The following CAMK1D variants were observed in gnomAD, a reference collection of about 807,000 sequenced individuals.
CAMK1D encodes calcium/calmodulin-dependent protein kinase type 1D.
In CAMK1D, 9 loss-of-function variants were observed where a neutral mutation model predicts 47.7. The observed-to-expected ratio is 0.19, with a 90% confidence interval of 0.11 to 0.33. The LOEUF (loss-of-function observed/expected upper bound fraction) is 0.33, where lower values mean the gene tolerates loss of function less well. Ranked by LOEUF, CAMK1D falls within the 10% of genes least tolerant of loss-of-function variation. The pLI is 1.00. For synonymous variants in CAMK1D, 184 were observed against 184.9 expected (o/e 0.99, Z 0.04); for missense variants, 291 against 488.7 (o/e 0.60, Z 3.81).
At chr10:12,514,314 G>C (rs1887396) in intron 1 of CAMK1D, among the ~76,000 whole-genome samples, 1 of 152,152 alleles carries the variant, frequency 6.6e-6, no homozygotes, top group African/African-American at 2.4e-5. Context: ...ATGCAAATTC[G>C]GTAGCAATGT....
Position 12,477,277 on chromosome 10 carries a change from G to A in CAMK1D, c.93-75948G>A, listed in dbSNP as rs1367906770. Among the ~76,000 whole-genome samples, 7 of 152,166 alleles carry A rather than the reference G, an allele frequency of 4.6e-5. No individual in the cohort carries two copies. The East Asian group carries it at 1.3e-3, about 29-fold the overall frequency. On this transcript the variant is annotated intron_variant, in intron 1 of 10. Transcript: ENST00000619168. ...CTAAAAATACGAAAATTAACTGGGA[G>A]TAGTGGTGGACACCTGTAATGCCAG...
intron 6 of CAMK1D, among the ~76,000 whole-genome samples, chr10:12,808,312 G>A (rs1832450855): frequency 1.3e-5 from 2 of 152,342 alleles, no homozygotes; most frequent in East Asian, 1.9e-4. Flanking sequence ...CTGAGCTCTT[G>A]AAGGCAGAAA....
chr10:12,699,904 G>T (rs1419397894), intron 3 of CAMK1D, among the ~76,000 whole-genome samples: 1 of 151,928 alleles, frequency 6.6e-6, no homozygotes, highest in Non-Finnish European at 1.5e-5. Flanking sequence ...TCTGATAGGG[G>T]CTCTTTTCAA....
intron 1 of CAMK1D, among the ~76,000 whole-genome samples, chr10:12,520,054 G>C (rs1564387306): frequency 1.3e-5 from 1 of 79,568 alleles, no homozygotes; most frequent in Non-Finnish European, 2.6e-5. Flanking sequence ...GGGGCGGCTG[G>C]CCGGGTGGGG....
chr10:12,669,221 G>C (rs1353008548), intron 3 of CAMK1D, among the ~76,000 whole-genome samples: 1 of 145,700 alleles, frequency 6.9e-6, no homozygotes, highest in African/African-American at 2.6e-5. Flanking sequence ...GACAGGGCAA[G>C]ACTCTGTCTC....
chr10:12,667,872 G>T (rs1297328042), intron 3 of CAMK1D, among the ~76,000 whole-genome samples: 1 of 152,136 alleles, frequency 6.6e-6, no homozygotes, highest in Non-Finnish European at 1.5e-5. Flanking sequence ...AACCTTTCAT[G>T]ATCTTCAAAA....
In CAMK1D at chr10:12,434,787, C is replaced by T. The variant is rs190459551; in HGVS notation, c.92+84877C>T. The stretch of plus-strand genomic sequence containing the variant: ...TGAGTGGTAGCCCGGTCACCTTGAT[C>T]GCCTTCAGTCTGTGCTGGGTGTTCT... On this transcript the variant is annotated intron_variant, in intron 1 of 10. Transcript: ENST00000619168. Among the ~76,000 whole-genome samples, 335 of 152,296 alleles carry T rather than the reference C, an allele frequency of 2.2e-3. 1 individual carries two copies. Among genetic ancestry groups the T allele is most frequent in the African/African-American group, 7.5e-3 (310 of 41,566 alleles).
Position 12,430,183 on chromosome 10 carries a change from G to A in CAMK1D, c.92+80273G>A, listed in dbSNP as rs116080611. Reference sequence around the variant, plus strand: ...GAAAACCCCTGTTCCAATCCTGCTCGTTTGGGATTTGTGAGCATTTGGATG... The same window carrying A: ...GAAAACCCCTGTTCCAATCCTGCTCATTTGGGATTTGTGAGCATTTGGATG... On this transcript the variant is annotated intron_variant, in intron 1 of 10. Transcript: ENST00000619168. Among the ~76,000 whole-genome samples, 1,498 of 152,214 alleles carry A rather than the reference G, an allele frequency of 9.8e-3. 14 individuals carry two copies. The highest frequency in any genetic ancestry group is 0.028 in the African/African-American group (1,144 of 41,524).
chr10:12,637,572 A>G (rs958904027), intron 2 of CAMK1D, among the ~76,000 whole-genome samples: 3 of 135,170 alleles, frequency 2.2e-5, no homozygotes, highest in African/African-American at 8.2e-5. Context: ...GGTCCCAGGC[A>G]GAATTCCTGG....
At chr10:12,816,102 C>A in intron 7 of CAMK1D, 148 bp from the exon 8 acceptor site, 2 of 568,250 alleles carry the variant, frequency 3.5e-6, no homozygotes, top group Non-Finnish European at 6.2e-6. Context: ...ACGCTGGTGC[C>A]TTTGTGTCCA....
chr10:12,689,668 C>T (rs1169940948), intron 3 of CAMK1D, among the ~76,000 whole-genome samples: 2 of 151,632 alleles, frequency 1.3e-5, no homozygotes, highest in Admixed American at 6.6e-5. Flanking sequence ...CCCAGCTACT[C>T]GGGAGGCTAA....
In CAMK1D at chr10:12,787,842, A is replaced by C. The variant is rs187109875; in HGVS notation, c.566-3316A>C. ...TGGTGAAACCCCATCTCTACTAAAA[A>C]TACAAAAATTAGCCGGGCCTGGTGG... On this transcript the variant is annotated intron_variant, in intron 5 of 10. Transcript: ENST00000619168. Among the ~76,000 whole-genome samples, 86 of 152,284 alleles carry C rather than the reference A, an allele frequency of 5.6e-4. 1 individual carries two copies. The highest frequency in any genetic ancestry group is 2.0e-3 in the African/African-American group (85 of 41,574).
At chr10:12,662,758 CTTTG>C (rs988590847) in intron 2 of CAMK1D, among the ~76,000 whole-genome samples, 5 of 152,108 alleles carry the variant, frequency 3.3e-5, no homozygotes, top group African/African-American at 1.2e-4. Context: ...GTGCCATGCT[CTTTG>C]TTTGGCACTG....
intron 3 of CAMK1D, among the ~76,000 whole-genome samples, chr10:12,732,122 TCC>T (rs1834916269): frequency 6.6e-6 from 1 of 152,090 alleles, no homozygotes; most frequent in African/African-American, 2.4e-5. Flanking sequence ...GTGCCTGTAA[TCC>T]CAACTACTCA....
intron 5 of CAMK1D, among the ~76,000 whole-genome samples, chr10:12,781,383 C>T (rs17152237): frequency 0.042 from 6,461 of 152,324 alleles, 384 homozygotes; most frequent in African/African-American, 0.13. Context: ...TCTGAAATGC[C>T]TTCCTTGGCA....
chr10:12,521,740 T>C (rs936804227), intron 1 of CAMK1D, among the ~76,000 whole-genome samples: 3 of 152,244 alleles, frequency 2.0e-5, no homozygotes, highest in African/African-American at 7.2e-5. Context: ...CTTTCAGTTA[T>C]TGCCTCACAT....
chr10:12,396,845 G>C (rs1252980618), intron 1 of CAMK1D, among the ~76,000 whole-genome samples: 2 of 152,310 alleles, frequency 1.3e-5, no homozygotes, highest in East Asian at 3.9e-4. Flanking sequence ...CCTACCTTCT[G>C]CTCTTCCTGA....
intron 6 of CAMK1D, among the ~76,000 whole-genome samples, chr10:12,802,800 G>A (rs1252650304): frequency 4.6e-5 from 7 of 152,216 alleles, no homozygotes; most frequent in East Asian, 3.8e-4. Flanking sequence ...GATTACAGGC[G>A]TGAGTCCCCG....
At chr10:12,729,390 C>G (rs1486364216) in intron 3 of CAMK1D, among the ~76,000 whole-genome samples, 1 of 152,194 alleles carries the variant, frequency 6.6e-6, no homozygotes, top group African/African-American at 2.4e-5. Flanking sequence ...AATCGCAGCA[C>G]TTTGGGAGGC....
Sources: gnomAD v4.1 joint callset for allele counts (sites outside exome capture counted in the v4.1 genomes callset) on GRCh38, gnomAD v4.1.1 for gene constraint, MANE v1.5 for transcripts, NCBI Gene and HGNC (gene_info 2026-07-23, HGNC 2026-07-21) for gene names.